GPR107: variants seen among roughly 807,000 people sequenced by gnomAD.
The protein encoded by GPR107 is G protein-coupled receptor 107.
GPR107 carries 31 observed loss-of-function variants against 75.5 expected under a neutral mutation model. The observed-to-expected ratio is 0.41, with a 90% CI of 0.31 to 0.55. The LOEUF (loss-of-function observed/expected upper bound fraction) is 0.55. Ranked by LOEUF, GPR107 falls within the 20% of genes least tolerant of loss-of-function variation. The pLI is 0.26. For missense variants in GPR107, 572 were observed against 665.7 expected, an observed-to-expected ratio of 0.86 and a Z score of 1.55; for synonymous variants, 267 against 251.3, an observed-to-expected ratio of 1.06 and a Z score of -0.59.
chr9:130,058,924 G>A (rs1305167593), intron 1 of GPR107, among the ~76,000 whole-genome samples: 1 of 152,108 alleles, frequency 6.6e-6, no homozygotes, highest in Non-Finnish European at 1.5e-5. Flanking sequence ...ATGGATGTTT[G>A]GGTTGTTTCC....
rs999044006 is a variant in GPR107 at position 130,112,786 on chromosome 9, G to C, written c.1306+5247G>C. ...TTTTTTTGAGACAGGGTCTTGCACTGTTGCCCAGGCTGGAGTCCAGTGGTG... is the reference window on the plus strand; with the variant it reads ...TTTTTTTGAGACAGGGTCTTGCACTCTTGCCCAGGCTGGAGTCCAGTGGTG... On this transcript the variant is annotated intron_variant, in intron 14 of 17. Coordinates refer to ENST00000347136, the MANE Select transcript of GPR107 (RefSeq NM_020960.5). This position sits in a 1 kb window ranked among gnomAD's most constrained non-coding sequence, Gnocchi z 4.0. 1.3e-5 allele frequency among the ~76,000 whole-genome samples: 2 copies of C among 151,896 alleles called. No individual in the cohort carries two copies. Among genetic ancestry groups the C allele is most frequent in the African/African-American group, 4.8e-5 (2 of 41,304 alleles).
At chr9:130,121,893 A>C (rs768726414) in intron 14 of GPR107, among the ~76,000 whole-genome samples, 17 of 144,584 alleles carry the variant, frequency 1.2e-4, no homozygotes, top group Non-Finnish European at 2.3e-4. Context: ...TTTTTATTTT[A>C]TTTTCTTTTT....
chr9:130,124,865 TA>T, intron 14 of GPR107, 49 bp from the exon 15 acceptor site: 1 of 1,192,812 alleles, frequency 8.4e-7, no homozygotes, highest in Admixed American at 2.1e-5. Flanking sequence ...GGCTTACTTT[TA>T]AAAATGAGAA....
At chr9:130,109,288 A>C (rs1831236727) in intron 14 of GPR107, among the ~76,000 whole-genome samples, 1 of 151,988 alleles carries the variant, frequency 6.6e-6, no homozygotes, top group South Asian at 2.1e-4. Flanking sequence ...CTCCTTCCTC[A>C]GCCTCCCAAG....
intron 15 of GPR107, 122 bp downstream of exon 15, chr9:130,125,086 C>CT: frequency 4.9e-6 from 1 of 204,292 alleles, no homozygotes; most frequent in Non-Finnish European, 8.5e-6. Context: ...AGCAGTGTGG[C>CT]TTGCTTTTTT....
At chr9:130,079,574 T>C (rs757366816) in intron 4 of GPR107, 56 bp from the exon 5 acceptor site, 477 of 1,523,382 alleles carry the variant, frequency 3.1e-4, no homozygotes, top group Non-Finnish European at 4.1e-4. Context: ...CGCAGCGTGC[T>C]CAGTGGCCAG....
At position 130,053,915 on chromosome 9, in the gene GPR107, G is replaced by A. The variant is rs1351144405; in HGVS notation, c.-18G>A. ...GACGTGGGCGGGAGAGGAAGCGGCT[G>A]GTGATGCTGGAACAAACATGGCCGC... On this transcript the variant is annotated 5_prime_UTR_variant, in exon 1 of 18. Transcript: ENST00000347136. 3.2e-6 allele frequency: 5 copies of A among 1,555,238 alleles called. No homozygotes were observed. The African/African-American group carries it at 5.5e-5, about 17-fold the overall frequency.
intron 12 of GPR107, among the ~76,000 whole-genome samples, chr9:130,104,063 G>T (rs1170321955): frequency 6.6e-6 from 1 of 152,016 alleles, no homozygotes; most frequent in Non-Finnish European, 1.5e-5. Flanking sequence ...TTCCATCTCT[G>T]CATGGTCTGT....
At chr9:130,062,290 G>GT (rs1265862801) in intron 1 of GPR107, among the ~76,000 whole-genome samples, 2 of 151,746 alleles carry the variant, frequency 1.3e-5, no homozygotes, top group East Asian at 3.9e-4. Context: ...GCGCATGCCT[G>GT]TAATCCCAGC....
chr9:130,114,432 G>A (rs1452675656), intron 14 of GPR107: 1 of 178,898 alleles, frequency 5.6e-6, no homozygotes, highest in Non-Finnish European at 1.2e-5. Context: ...ACGCAGGCTG[G>A]AGTGCAGTGG....
rs546107502 is a variant in GPR107 at position 130,075,215 on chromosome 9, A to G, written c.142-421A>G. Among the ~76,000 whole-genome samples the G allele has an allele frequency of 2.8e-3, 415 of 150,050 alleles. 2 individuals carry two copies. The highest frequency in any genetic ancestry group is 9.6e-3 in the African/African-American group (392 of 40,892). ...GCTGGCTAGCAAGAAATAAGATATC[A>G]TAGTTTTTCTCTTCTTTTCTTTTAC... is the stretch of plus-strand genomic sequence containing the variant. On this transcript the variant is annotated intron_variant, in intron 1 of 17. Coordinates refer to ENST00000347136, the MANE Select transcript of GPR107 (RefSeq NM_020960.5).
Position 130,124,833 on chromosome 9 carries a change from G to T in GPR107, c.1307-82G>T. The T allele has an allele frequency of 3.7e-6, 3 of 811,212 alleles. No individual in the cohort carries two copies. In the South Asian group the frequency reaches 4.9e-5, roughly 13 times the overall value. 50.3% of individuals were successfully genotyped at this position (811,212 alleles called of 1,614,324 possible). ...TCATCTGCATTAGAGGTGGCCTCTTGACTGAGAAGGTATCTGAATGAGGCT... is the reference window on the plus strand; with the variant it reads ...TCATCTGCATTAGAGGTGGCCTCTTTACTGAGAAGGTATCTGAATGAGGCT... On this transcript the variant is annotated intron_variant, in intron 14 of 17. Coordinates refer to ENST00000347136, the MANE Select transcript of GPR107 (RefSeq NM_020960.5).
At position 130,113,899 on chromosome 9, in the gene GPR107, T is replaced by G. The variant is rs182553285; in HGVS notation, c.1306+6360T>G. Among the ~76,000 whole-genome samples the G allele has an allele frequency of 7.2e-4, 109 of 152,298 alleles. 1 individual carries two copies. The highest frequency in any genetic ancestry group is 2.5e-3 in the African/African-American group (104 of 41,564). On this transcript the variant is annotated intron_variant, in intron 14 of 17. Transcript: ENST00000347136. The stretch of plus-strand genomic sequence containing the variant: ...TCTATCTGTATGGGGCCAGATTTTC[T>G]TCATATATTTTCACCAAATACTCCC...
At chr9:130,104,911 G>A (rs1481313761) in intron 13 of GPR107, among the ~76,000 whole-genome samples, 2 of 152,218 alleles carry the variant, frequency 1.3e-5, no homozygotes, top group African/African-American at 4.8e-5. Flanking sequence ...GCCAACTTAG[G>A]TGGAAAATGA....
intron 12 of GPR107, 148 bp from the exon 13 acceptor site, chr9:130,104,272 A>G (rs186786641): frequency 8.2e-5 from 52 of 637,698 alleles, no homozygotes; most frequent in African/African-American, 6.9e-4. Context: ...GGAGTGGCAG[A>G]GTTCTGGAAG....
At position 130,077,350 on chromosome 9, in the gene GPR107, C is replaced by T. The variant is rs138190367; in HGVS notation, c.358C>T (p.Leu120Phe). ...AAAGAAACAGTCTGTCTCTGTCACC[C>T]TTTTAATCCTAGACATCTCCAGAAG... ...ILKKQSVSVT[L>F]LILDISRSEV... The change falls in exon 4 of 18, where the codon CTT becomes TTT. Residue 120 changes from leucine (L) to phenylalanine (F), a missense_variant. Physicochemically the swap from Leu to Phe is conservative, Grantham distance 22. Transcript: ENST00000347136. 4 of 1,559,222 alleles carry T rather than the reference C, an allele frequency of 2.6e-6. No individual in the cohort carries two copies. Among genetic ancestry groups the T allele is most frequent in the South Asian group, 2.2e-5 (2 of 90,012 alleles).
In GPR107 at chr9:130,100,720, T is replaced by C. The variant is rs1831005050; in HGVS notation, c.1013+18T>C. ...ACTCACCTGTAAGTATGCAGGTCCATGTGAAATACACCATGAAATGACATA... is the reference window on the plus strand; with the variant it reads ...ACTCACCTGTAAGTATGCAGGTCCACGTGAAATACACCATGAAATGACATA... On this transcript the variant is annotated intron_variant, in intron 11 of 17. Coordinates refer to ENST00000347136, the MANE Select transcript of GPR107 (RefSeq NM_020960.5). 3 of 1,550,550 alleles carry C rather than the reference T, an allele frequency of 1.9e-6. No homozygotes were observed. The East Asian group carries it at 6.7e-5, about 35-fold the overall frequency.
At chr9:130,104,274 T>G (rs1589515230) in intron 12 of GPR107, 146 bp from the exon 13 acceptor site, 2 of 647,766 alleles carry the variant, frequency 3.1e-6, no homozygotes, top group Admixed American at 2.6e-5. Flanking sequence ...AGTGGCAGAG[T>G]TCTGGAAGAG....
At chr9:130,074,654 C>A (rs138122211) in intron 1 of GPR107, among the ~76,000 whole-genome samples, 3 of 152,092 alleles carry the variant, frequency 2.0e-5, no homozygotes, top group African/African-American at 7.2e-5. Flanking sequence ...ATCCAAAAGA[C>A]TCTGTCTCCA....
Sources: gnomAD v4.1 joint callset for allele counts (sites outside exome capture counted in the v4.1 genomes callset) on GRCh38, gnomAD v4.1.1 for gene constraint, Gnocchi (gnomAD v3.1) non-coding constraint, MANE v1.5 for transcripts, NCBI Gene and HGNC (gene_info 2026-07-23, HGNC 2026-07-21) for gene names.